ADGRB3: variants seen among roughly 807,000 people sequenced by gnomAD.
ADGRB3 encodes the protein brain-specific angiogenesis inhibitor 3.
In ADGRB3, 37 loss-of-function variants were observed where a neutral mutation model predicts 193.4. That is an observed-to-expected ratio of 0.19 (90% CI 0.15 to 0.25). The LOEUF (loss-of-function observed/expected upper bound fraction) is 0.25, where lower values mean the gene tolerates loss of function less well. ADGRB3 is among the 10% of genes least tolerant of loss of function. ADGRB3 has a pLI of 1.00. For missense variants in ADGRB3, 1,637 were observed against 1,852.9 expected, an observed-to-expected ratio of 0.88 and a Z score of 2.14; for synonymous variants, 690 against 644.2, an observed-to-expected ratio of 1.07 and a Z score of -1.08.
At chr6:69,060,452 G>A (rs1771715937) in intron 15 of ADGRB3, among the ~76,000 whole-genome samples, 1 of 151,968 alleles carries the variant, frequency 6.6e-6, no homozygotes, top group African/African-American at 2.4e-5. Context: ...AACACACAGG[G>A]AGCTTCATAA....
At chr6:69,100,073 A>G (rs1772989100) in intron 17 of ADGRB3, among the ~76,000 whole-genome samples, 1 of 152,232 alleles carries the variant, frequency 6.6e-6, no homozygotes, top group African/African-American at 2.4e-5. Flanking sequence ...AAATTAACTC[A>G]TAGTATTTCC....
At chr6:68,707,929 A>T (rs769168381) in intron 3 of ADGRB3, among the ~76,000 whole-genome samples, 33 of 152,204 alleles carry the variant, frequency 2.2e-4, no homozygotes, top group Non-Finnish European at 4.0e-4. Context: ...TCAGGGGCAA[A>T]GTTCCTGTGC....
chr6:69,299,250 G>A (rs1767901405), intron 20 of ADGRB3, among the ~76,000 whole-genome samples: 1 of 151,184 alleles, frequency 6.6e-6, no homozygotes, highest in South Asian at 2.1e-4. Flanking sequence ...TGGGTTTTTT[G>A]TTTTGTTTAG....
At chr6:68,700,884 C>T (rs992111333) in intron 3 of ADGRB3, among the ~76,000 whole-genome samples, 4 of 151,558 alleles carry the variant, frequency 2.6e-5, no homozygotes, top group Non-Finnish European at 4.4e-5. Flanking sequence ...GATGAGTTAA[C>T]GGGTGCAGCA....
At chr6:69,054,090 A>T (rs1771477656) in intron 15 of ADGRB3, among the ~76,000 whole-genome samples, 1 of 152,202 alleles carries the variant, frequency 6.6e-6, no homozygotes, top group Non-Finnish European at 1.5e-5. Flanking sequence ...AGACATTATA[A>T]AAGAACTAAT....
chr6:68,702,020 G>T lies in ADGRB3; in HGVS notation c.757+62588G>T, dbSNP rs555654557. ...TTGGCAGGTGTATTAGGCTGTTCTT[G>T]CTCTGCTATAAAGAAATACTGGAGA... On this transcript the variant is annotated intron_variant, in intron 3 of 31. Coordinates refer to ENST00000370598, the MANE Select transcript of ADGRB3 (RefSeq NM_001704.3). 1.1e-4 allele frequency among the ~76,000 whole-genome samples: 17 copies of T among 152,212 alleles called. No individual in the cohort carries two copies. The South Asian group carries it at 3.3e-3, about 30-fold the overall frequency.
intron 29 of ADGRB3, among the ~76,000 whole-genome samples, chr6:69,365,221 A>G (rs1398680546): frequency 1.3e-5 from 2 of 152,068 alleles, no homozygotes; most frequent in East Asian, 3.9e-4. Flanking sequence ...GCTGGGTTCT[A>G]CCAACAGGAA....
chr6:68,997,368 C>T lies in ADGRB3; in HGVS notation c.1929+3406C>T, dbSNP rs72906798. ...TGATGATATTGTGAATTAAACCAGG[C>T]GCAGTGGCTCATGTCTGTAATCACA... On this transcript the variant is annotated intron_variant, in intron 11 of 31. Coordinates refer to ENST00000370598, the MANE Select transcript of ADGRB3 (RefSeq NM_001704.3). Among the ~76,000 whole-genome samples the T allele has an allele frequency of 7.6e-3, 1,151 of 151,596 alleles. 6 individuals carry two copies. The highest frequency in any genetic ancestry group is 0.01 in the Admixed American group (159 of 15,224).
intron 3 of ADGRB3, among the ~76,000 whole-genome samples, chr6:68,776,118 C>G (rs1766742115): frequency 6.6e-6 from 1 of 152,104 alleles, no homozygotes; most frequent in African/African-American, 2.4e-5. Context: ...GTTTCTGCAA[C>G]AGCTTCTGCT....
At chr6:69,230,363 T>G (rs2127255510) in intron 17 of ADGRB3, among the ~76,000 whole-genome samples, 1 of 152,310 alleles carries the variant, frequency 6.6e-6, no homozygotes, top group South Asian at 2.1e-4. Flanking sequence ...ATTGGAAGAA[T>G]AATGTGACTG....
chr6:68,929,703 C>T (rs975393600), intron 3 of ADGRB3, among the ~76,000 whole-genome samples: 2 of 152,082 alleles, frequency 1.3e-5, no homozygotes, highest in African/African-American at 4.8e-5. Flanking sequence ...ACTTTTCAGT[C>T]ACAGTTCAAT....
chr6:69,261,812 A>T (rs1766934959), intron 20 of ADGRB3, among the ~76,000 whole-genome samples: 1 of 152,066 alleles, frequency 6.6e-6, no homozygotes, highest in Non-Finnish European at 1.5e-5. Context: ...GTAGATACCG[A>T]AATATGACCA....
At chr6:69,190,806 T>G (rs1198876005) in intron 17 of ADGRB3, among the ~76,000 whole-genome samples, 1 of 152,180 alleles carries the variant, frequency 6.6e-6, no homozygotes, top group Non-Finnish European at 1.5e-5. Context: ...CATATTTTTA[T>G]TATTTTTTCT....
At position 69,084,925 on chromosome 6, in the gene ADGRB3, T is replaced by C. The variant is rs142274233; in HGVS notation, c.2480+8887T>C. ...TATGCATGAGTTGTTTGGAAGTTGT[T>C]TGGTATGCATGAGTGGCTTGTGAAA... On this transcript the variant is annotated intron_variant, in intron 17 of 31. Coordinates refer to ENST00000370598, the MANE Select transcript of ADGRB3 (RefSeq NM_001704.3). Among the ~76,000 whole-genome samples the C allele has an allele frequency of 6.0e-3, 918 of 152,192 alleles. 3 individuals carry two copies. The highest frequency in any genetic ancestry group is 9.9e-3 in the Non-Finnish European group (670 of 67,984).
chr6:69,330,608 G>GAAAA, intron 23 of ADGRB3, 36 bp downstream of exon 23: 1 of 1,193,846 alleles, frequency 8.4e-7, no homozygotes, highest in Non-Finnish European at 1.1e-6. Flanking sequence ...GTTTTCTTAG[G>GAAAA]AAAAAAAAAA....
At chr6:68,961,647 T>C (rs1768237105) in intron 8 of ADGRB3, among the ~76,000 whole-genome samples, 1 of 152,184 alleles carries the variant, frequency 6.6e-6, no homozygotes, top group Admixed American at 6.6e-5. Flanking sequence ...ATTTTAAGAC[T>C]GAATGTAATC....
At chr6:68,788,427 A>G (rs896631857) in intron 3 of ADGRB3, among the ~76,000 whole-genome samples, 3 of 152,184 alleles carry the variant, frequency 2.0e-5, no homozygotes, top group South Asian at 2.1e-4. Context: ...GTAGTCATTC[A>G]GGAACAGGTT....
At chr6:68,814,430 T>C (rs1485557728) in intron 3 of ADGRB3, among the ~76,000 whole-genome samples, 2 of 152,212 alleles carry the variant, frequency 1.3e-5, no homozygotes, top group Non-Finnish European at 2.9e-5. Flanking sequence ...TAAATTTGTT[T>C]GTAGATTCTG....
At chr6:69,066,819 C>T (rs1000934485) in intron 16 of ADGRB3, among the ~76,000 whole-genome samples, 1 of 151,872 alleles carries the variant, frequency 6.6e-6, no homozygotes, top group Non-Finnish European at 1.5e-5. Flanking sequence ...ATTTTTAGAT[C>T]CTATAATGCA....
Sources: gnomAD v4.1 joint callset for allele counts (sites outside exome capture counted in the v4.1 genomes callset) on GRCh38, gnomAD v4.1.1 for gene constraint, MANE v1.5 for transcripts, NCBI Gene and HGNC (gene_info 2026-07-23, HGNC 2026-07-21) for gene names.